The following DMXL1 variants were observed in gnomAD, a reference collection of about 807,000 sequenced individuals.
The protein encoded by DMXL1 is dmX-like protein 1.
DMXL1 carries 99 observed loss-of-function variants against 319.2 expected under a neutral mutation model. The observed-to-expected ratio is 0.31, with a 90% CI of 0.26 to 0.37. The LOEUF (loss-of-function observed/expected upper bound fraction) is 0.37, where lower values mean the gene tolerates loss of function less well. Ranked by LOEUF, DMXL1 falls within the 10% of genes least tolerant of loss-of-function variation. The pLI is 1.00. For synonymous variants in DMXL1, 1,385 were observed against 1,235.2 expected (o/e 1.12, Z -2.54); for missense variants, 3,745 against 3,595.6 (o/e 1.04, Z -1.06).
Position 119,147,300 on chromosome 5 carries a change from ATTAT to A in DMXL1, c.2743_2746del (p.Tyr915LeufsTer28). The A allele has an allele frequency of 6.2e-7, 1 of 1,613,556 alleles. No homozygotes were observed. The highest frequency in any genetic ancestry group is 1.7e-4 in the Middle Eastern group (1 of 6,056). ...GAAGCGGTTTGGCAGCCAGAAGAAC[ATTAT>A]TCTTCTTCTCCAGAGAAGATCCTAT... On this transcript the variant is annotated frameshift_variant, in exon 17 of 44. Transcript: ENST00000539542. LOFTEE classifies it high-confidence loss of function.
At chr5:119,118,711 G>T in intron 7 of DMXL1, 104 bp from the exon 8 acceptor site, 1 of 817,396 alleles carries the variant, frequency 1.2e-6, no homozygotes. Context: ...TTTCTTCATT[G>T]GTACCTTAGT....
At position 119,133,886 on chromosome 5, in the gene DMXL1, A is replaced by T. The variant is rs374663515; in HGVS notation, c.1962A>T (p.Thr654=). The T allele has an allele frequency of 6.2e-7, 1 of 1,614,046 alleles. No homozygotes were observed. Among genetic ancestry groups the T allele is most frequent in the Non-Finnish European group, 8.5e-7 (1 of 1,180,048 alleles). Residue 654 remains threonine, a synonymous_variant, in exon 12 of 44, where the codon ACA becomes ACT. Transcript: ENST00000539542. The part of the protein sequence containing the change: ...ACHSVLPLLL[T]TSHHNALRTP... ...ACTCAGTATTACCATTATTGCTGAC[A>T]ACATCACACCATAATGCATTAAGGA...
intron 13 of DMXL1, among the ~76,000 whole-genome samples, chr5:119,142,261 C>T (rs191622161): frequency 6.6e-6 from 1 of 151,664 alleles, no homozygotes; most frequent in East Asian, 1.9e-4. Flanking sequence ...AGACAACCTA[C>T]AGAATAGGAG....
At chr5:119,244,333 T>C (rs1561957045) in intron 42 of DMXL1, 26 bp from the exon 43 acceptor site, 12 of 1,567,438 alleles carry the variant, frequency 7.7e-6, no homozygotes, top group East Asian at 6.8e-5. Context: ...TTAAGTGTTT[T>C]TGTTTTTTTT....
chr5:119,197,687 G>T, intron 31 of DMXL1, 68 bp from the exon 32 acceptor site: 2 of 1,403,738 alleles, frequency 1.4e-6, no homozygotes, highest in Non-Finnish European at 2.0e-6. Flanking sequence ...TCTCATTTCA[G>T]TCTTTCTTAA....
Position 119,134,073 on chromosome 5 carries a change from T to C in DMXL1, c.2149T>C (p.Ser717Pro). The change falls in exon 12 of 44, where the codon TCT becomes CCT. Residue 717 changes from serine (S) to proline (P), a missense_variant. This residue lies in a region of DMXL1 where 2,096 missense variants were observed against 1,985.4 expected (regional missense o/e 1.06). Transcript: ENST00000539542. ...GAGGGTTGACCCAGTTGGGCCATTGTCTTTTTCTGGAGGAGTTTCTGAGCT... is the reference window on the plus strand; with the variant it reads ...GAGGGTTGACCCAGTTGGGCCATTGCCTTTTTCTGGAGGAGTTTCTGAGCT... ...LWRVDPVGPL[S>P]FSGGVSELAR... 6.2e-7 allele frequency: 1 copy of C among 1,614,232 alleles called. No homozygotes were observed. The highest frequency in any genetic ancestry group is 1.1e-5 in the South Asian group (1 of 91,088).
At chr5:119,195,268 C>T (rs1554136210) in intron 30 of DMXL1, among the ~76,000 whole-genome samples, 1 of 152,112 alleles carries the variant, frequency 6.6e-6, no homozygotes, top group Non-Finnish European at 1.5e-5. Flanking sequence ...ATATTGAAAA[C>T]AGGGACTGAA....
chr5:119,081,885 G>A (rs972039933), intron 1 of DMXL1, among the ~76,000 whole-genome samples: 1 of 151,706 alleles, frequency 6.6e-6, no homozygotes, highest in African/African-American at 2.4e-5. Flanking sequence ...CTAAAAATAT[G>A]AGAAAGAATT....
At chr5:119,156,299 A>T (rs994623779) in intron 19 of DMXL1, among the ~76,000 whole-genome samples, 23 of 152,172 alleles carry the variant, frequency 1.5e-4, no homozygotes, top group Non-Finnish European at 3.2e-4. Flanking sequence ...AGGTATGTAC[A>T]CTCATTTTAG....
intron 34 of DMXL1, among the ~76,000 whole-genome samples, chr5:119,208,773 A>G (rs1398421979): frequency 6.6e-6 from 1 of 152,174 alleles, no homozygotes; most frequent in Non-Finnish European, 1.5e-5. Context: ...TTTGGCATGT[A>G]TATACACTAG....
chr5:119,168,484 G>A (rs1581127213), intron 23 of DMXL1, among the ~76,000 whole-genome samples: 1 of 152,118 alleles, frequency 6.6e-6, no homozygotes, highest in African/African-American at 2.4e-5. Flanking sequence ...GATAAAATAG[G>A]TATTATATTA....
intron 10 of DMXL1, among the ~76,000 whole-genome samples, chr5:119,130,994 A>C (rs888449637): frequency 6.6e-6 from 1 of 150,742 alleles, no homozygotes; most frequent in African/African-American, 2.4e-5. Flanking sequence ...GGATGTTTTC[A>C]TTATATTACT....
At chr5:119,239,718 G>A (rs1311265241) in intron 41 of DMXL1, among the ~76,000 whole-genome samples, 1 of 152,144 alleles carries the variant, frequency 6.6e-6, no homozygotes, top group Admixed American at 6.6e-5. Flanking sequence ...CACTTTGGGA[G>A]GCCGAGGTGG....
At chr5:119,158,230 C>T (rs1771528997) in intron 19 of DMXL1, among the ~76,000 whole-genome samples, 1 of 147,530 alleles carries the variant, frequency 6.8e-6, no homozygotes. Context: ...TTTTAAGTAG[C>T]AATGATTAAT....
intron 9 of DMXL1, among the ~76,000 whole-genome samples, chr5:119,128,760 T>C (rs1271021129): frequency 6.6e-6 from 1 of 152,064 alleles, no homozygotes; most frequent in Admixed American, 6.6e-5. Flanking sequence ...CTCTAAAAAA[T>C]AGTATTTAAA....
chr5:119,126,498 G>T (rs1218154390), intron 9 of DMXL1, among the ~76,000 whole-genome samples: 1 of 151,956 alleles, frequency 6.6e-6, no homozygotes, highest in Non-Finnish European at 1.5e-5. Flanking sequence ...ATTAAATTGG[G>T]GATATCTATT....
chr5:119,080,970 GT>G (rs796980769), intron 1 of DMXL1, among the ~76,000 whole-genome samples: 2 of 152,234 alleles, frequency 1.3e-5, no homozygotes, highest in African/African-American at 4.8e-5. Context: ...TAAAGGCTTG[GT>G]TTTGATGTCC....
chr5:119,191,050 TA>T (rs1289900963), intron 29 of DMXL1, among the ~76,000 whole-genome samples: 3 of 152,228 alleles, frequency 2.0e-5, no homozygotes, highest in Non-Finnish European at 4.4e-5. Flanking sequence ...TTAGTTTATT[TA>T]AAAAAACTTT....
intron 13 of DMXL1, 148 bp downstream of exon 13, chr5:119,134,537 A>G (rs1408612546): frequency 1.8e-5 from 13 of 727,478 alleles, no homozygotes; most frequent in Non-Finnish European, 2.8e-5. Context: ...GTACTCTTGT[A>G]ATGATTTAAA....
Sources: gnomAD v4.1 joint callset for allele counts (sites outside exome capture counted in the v4.1 genomes callset) on GRCh38, gnomAD v4.1.1 for gene constraint, gnomAD v4.1.1 regional missense constraint, MANE v1.5 for transcripts, NCBI Gene and HGNC (gene_info 2026-07-23, HGNC 2026-07-21) for gene names.